Variants in EML5 observed in about 807,000 individuals in gnomAD.
EML5 encodes the protein echinoderm microtubule-associated protein-like 5.
EML5 carries 120 observed loss-of-function variants against 250.0 expected under a neutral mutation model. That is an observed-to-expected ratio of 0.48 (90% confidence interval 0.41 to 0.56). EML5 has a LOEUF of 0.56. EML5 is among the 20% of genes least tolerant of loss of function. EML5 has a pLI of 0.00. For missense variants in EML5, 2,006 were observed against 2,437.6 expected (o/e 0.82, Z 3.73); for synonymous variants, 771 against 806.5 (o/e 0.96, Z 0.75).
rs145716182 is a variant in EML5 at position 88,694,015 on chromosome 14, C to G, written c.2539+292G>C. On this transcript the variant is annotated intron_variant, in intron 17 of 43. Coordinates refer to ENST00000554922, the MANE Select transcript of EML5 (RefSeq NM_183387.3). ...CTTGAACACCTAGGCTCAAGTGATC[C>G]TCCCACCTTGGCCTCCCAAAGTGCT... Among the ~76,000 whole-genome samples, 84 of 151,700 alleles carry G rather than the reference C, an allele frequency of 5.5e-4. 3 individuals are homozygous for G. In the East Asian group the frequency reaches 0.015, roughly 27 times the overall value.
At chr14:88,652,249 T>C (rs1187253172) in intron 27 of EML5, among the ~76,000 whole-genome samples, 4 of 152,074 alleles carry the variant, frequency 2.6e-5, no homozygotes, top group East Asian at 1.9e-4. Context: ...TGACCTCCCA[T>C]TGCTATGATC....
At chr14:88,691,986 T>G (rs1239800802) in intron 17 of EML5, among the ~76,000 whole-genome samples, 1 of 152,240 alleles carries the variant, frequency 6.6e-6, no homozygotes, top group Non-Finnish European at 1.5e-5. Flanking sequence ...TTCATAGTTC[T>G]TTTCCAAGAC....
chr14:88,622,479 T>G (rs1225441790), intron 37 of EML5, 125 bp downstream of exon 37: 2 of 722,572 alleles, frequency 2.8e-6, no homozygotes, highest in Non-Finnish European at 2.0e-6. Flanking sequence ...AGAGTAATGT[T>G]GGCAAGCAAA....
intron 8 of EML5, among the ~76,000 whole-genome samples, chr14:88,718,704 A>G (rs1182468187): frequency 6.6e-6 from 1 of 152,190 alleles, no homozygotes; most frequent in African/African-American, 2.4e-5. Flanking sequence ...GAATAAAGTT[A>G]GACAGTTTTA....
intron 1 of EML5, among the ~76,000 whole-genome samples, chr14:88,778,722 T>C (rs1363618149): frequency 6.6e-6 from 1 of 152,196 alleles, no homozygotes; most frequent in Admixed American, 6.5e-5. Flanking sequence ...GAGGTTGCAG[T>C]GAGCCAAGAA....
intron 21 of EML5, among the ~76,000 whole-genome samples, chr14:88,670,590 G>A (rs1204574823): frequency 1.3e-5 from 2 of 152,138 alleles, no homozygotes; most frequent in Non-Finnish European, 2.9e-5. Flanking sequence ...ACAGAAGTAG[G>A]CTTCAGAAGG....
chr14:88,682,149 T>C (rs1420220002), intron 20 of EML5, 118 bp from the exon 21 acceptor site: 13 of 1,055,966 alleles, frequency 1.2e-5, no homozygotes, highest in African/African-American at 1.6e-5. Context: ...TACCGAATAG[T>C]GAGTAAATCT....
At position 88,726,881 on chromosome 14, in the gene EML5, T is replaced by C. The variant is rs528388106; in HGVS notation, c.1050-203A>G. ...TTGATAGAATCTTTTGCTTTGAATTTTTTTGGCGACATCACGTCACTCTGT... is the reference window on the plus strand; with the variant it reads ...TTGATAGAATCTTTTGCTTTGAATTCTTTTGGCGACATCACGTCACTCTGT... On this transcript the variant is annotated intron_variant, in intron 7 of 43. Coordinates refer to ENST00000554922, the MANE Select transcript of EML5 (RefSeq NM_183387.3). 1.6e-4 allele frequency among the ~76,000 whole-genome samples: 24 copies of C among 152,308 alleles called. 1 individual carries two copies. The South Asian group carries it at 4.6e-3, about 29-fold the overall frequency.
intron 1 of EML5, 128 bp from the exon 2 acceptor site, chr14:88,754,799 AT>A: frequency 1.2e-6 from 1 of 865,648 alleles, no homozygotes. Flanking sequence ...GACAATTTGG[AT>A]TTTTTAAAAA....
intron 4 of EML5, among the ~76,000 whole-genome samples, chr14:88,743,655 T>C (rs527834373): frequency 6.6e-6 from 1 of 152,198 alleles, no homozygotes; most frequent in African/African-American, 2.4e-5. Flanking sequence ...GGTCTACTCA[T>C]GTTGCTTCTC....
At chr14:88,752,093 C>A (rs749375758) in intron 2 of EML5, among the ~76,000 whole-genome samples, 2 of 152,050 alleles carry the variant, frequency 1.3e-5, no homozygotes, top group Non-Finnish European at 2.9e-5. Context: ...ATGAAGATCT[C>A]TGATAATGAA....
intron 33 of EML5, among the ~76,000 whole-genome samples, chr14:88,629,484 T>C (rs1029743727): frequency 2.6e-5 from 4 of 152,170 alleles, no homozygotes; most frequent in African/African-American, 9.7e-5. Context: ...AAAACTAAAA[T>C]TACTGCAAAT....
chr14:88,736,125 C>G (rs1251405946), intron 7 of EML5, among the ~76,000 whole-genome samples: 1 of 151,726 alleles, frequency 6.6e-6, no homozygotes, highest in African/African-American at 2.4e-5. Flanking sequence ...CTCAGCCTCC[C>G]AAGTAGCTGG....
intron 2 of EML5, 59 bp from the exon 3 acceptor site, chr14:88,746,342 C>T: frequency 7.2e-7 from 1 of 1,391,594 alleles, no homozygotes. Flanking sequence ...CAAAGAGAAA[C>T]TGAATTACAA....
chr14:88,678,831 G>T (rs2092655174), intron 21 of EML5, among the ~76,000 whole-genome samples: 1 of 152,054 alleles, frequency 6.6e-6, no homozygotes, highest in Non-Finnish European at 1.5e-5. Context: ...ACACAGTATT[G>T]GTTTCCTAGA....
intron 37 of EML5, chr14:88,621,794 GAC>G (rs1246371387): frequency 8.2e-6 from 3 of 365,294 alleles, no homozygotes; most frequent in Admixed American, 6.8e-5. Context: ...TTTTGAAATT[GAC>G]ACATAATTAT....
At chr14:88,654,080 T>C (rs1466000200) in intron 27 of EML5, among the ~76,000 whole-genome samples, 4 of 152,214 alleles carry the variant, frequency 2.6e-5, no homozygotes, top group African/African-American at 4.8e-5. Flanking sequence ...GAGGTCTTTA[T>C]AGCATTCTCT....
Position 88,756,414 on chromosome 14 carries a change from C to T in EML5, c.198-1743G>A, listed in dbSNP as rs573120684. Among the ~76,000 whole-genome samples, 3 of 151,984 alleles carry T rather than the reference C, an allele frequency of 2.0e-5. No individual in the cohort carries two copies. The South Asian group carries it at 6.2e-4, about 31-fold the overall frequency. ...CTAATAACATATTTAATGATGAAAG[C>T]CTGAAAGCAATCCCACTAAGTAAAG... On this transcript the variant is annotated intron_variant, in intron 1 of 43. Coordinates refer to ENST00000554922, the MANE Select transcript of EML5 (RefSeq NM_183387.3).
chr14:88,759,698 A>AAAAACAAAAAAAAAAC (rs1555374469), intron 1 of EML5, among the ~76,000 whole-genome samples: 2 of 142,112 alleles, frequency 1.4e-5, no homozygotes, highest in Non-Finnish European at 3.1e-5. Context: ...AAAAAAAAAA[A>AAAAACAAAAAAAAAAC]AAAAAACTGG....
Sources: allele counts gnomAD v4.1 joint callset (sites outside exome capture counted in the v4.1 genomes callset), GRCh38; gene constraint gnomAD v4.1.1; transcripts MANE v1.5; gene names NCBI Gene and HGNC (gene_info 2026-07-23, HGNC 2026-07-21).